NECAB1: variants seen among roughly 807,000 people sequenced by gnomAD.
The protein encoded by NECAB1 is N-terminal EF-hand calcium binding protein 1.
A neutral mutation model predicts 57.5 loss-of-function variants in NECAB1; 29 were observed. The ratio of observed to expected loss-of-function variants is 0.50; its 90% CI spans 0.38 to 0.69. NECAB1 has a LOEUF of 0.69. Among genes scored for constraint, NECAB1 ranks in the 30% least tolerant of loss-of-function variants. NECAB1 has a pLI of 0.00. For synonymous variants in NECAB1, 142 were observed against 147.7 expected, an observed-to-expected ratio of 0.96 and a Z score of 0.28; for missense variants, 372 against 413.8, an observed-to-expected ratio of 0.90 and a Z score of 0.88.
chr8:90,798,265 C>T (rs1356019472), intron 1 of NECAB1, among the ~76,000 whole-genome samples: 2 of 152,194 alleles, frequency 1.3e-5, no homozygotes, highest in Non-Finnish European at 2.9e-5. Context: ...AATGGGATTA[C>T]ATCAGCAAAC....
intron 10 of NECAB1, among the ~76,000 whole-genome samples, chr8:90,948,985 T>C (rs968493264): frequency 1.3e-5 from 2 of 152,230 alleles, no homozygotes; most frequent in South Asian, 2.1e-4. Flanking sequence ...CAAAACATAT[T>C]ATGTAGACTT....
intron 2 of NECAB1, among the ~76,000 whole-genome samples, chr8:90,815,048 C>T (rs182912579): frequency 8.8e-4 from 134 of 152,142 alleles, no homozygotes; most frequent in African/African-American, 3.1e-3. Flanking sequence ...CCACATGGAT[C>T]GTTCTAGACT....
Position 90,958,894 on chromosome 8 carries a change from GCCAA to G in NECAB1, c.*3386_*3389del. ...TTCTCATTTTTAGAGAAGTCAAATA[GCCAA>G]CCATCAAAATTAAGAATAAATTGAA... On this transcript the variant is annotated 3_prime_UTR_variant, in exon 13 of 13. Coordinates refer to ENST00000417640, the MANE Select transcript of NECAB1 (RefSeq NM_022351.5). 3.2e-6 allele frequency: 2 copies of G among 629,358 alleles called. No homozygotes were observed. Among genetic ancestry groups the G allele is most frequent in the Non-Finnish European group, 5.2e-6 (2 of 383,180 alleles). 39.0% of individuals were successfully genotyped at this position (629,358 alleles called of 1,614,324 possible).
At chr8:90,858,916 TTCAAAC>T (rs1812844898) in intron 3 of NECAB1, 1 of 151,806 alleles carries the variant, frequency 6.6e-6, no homozygotes, top group South Asian at 2.1e-4. Flanking sequence ...GCCACGAGAG[TTCAAAC>T]TCAAACAGTT....
rs542092321 is a variant in NECAB1 at position 90,814,250 on chromosome 8, C to T, written c.125-10467C>T. Among the ~76,000 whole-genome samples the T allele has an allele frequency of 2.6e-4, 40 of 152,244 alleles. No individual in the cohort carries two copies. In the East Asian group the frequency reaches 6.9e-3, roughly 26 times the overall value. ...AATTATGTGTTTCGGAGAGAAAGAC[C>T]ACAGAGGTAAAATGCCATTACATCA... On this transcript the variant is annotated intron_variant, in intron 2 of 12. Transcript: ENST00000417640.
intron 3 of NECAB1, among the ~76,000 whole-genome samples, chr8:90,853,865 A>G (rs757237106): frequency 5.9e-5 from 9 of 152,140 alleles, no homozygotes; most frequent in Non-Finnish European, 1.2e-4. Flanking sequence ...CTGTCCCCCT[A>G]ACCCACTAAA....
intron 10 of NECAB1, among the ~76,000 whole-genome samples, chr8:90,947,854 C>T (rs1288980738): frequency 6.6e-6 from 1 of 152,200 alleles, no homozygotes; most frequent in Non-Finnish European, 1.5e-5. Context: ...CCATTTCATA[C>T]TGTGTTGTCC....
At chr8:90,896,695 A>G (rs944794238) in intron 5 of NECAB1, among the ~76,000 whole-genome samples, 12 of 152,188 alleles carry the variant, frequency 7.9e-5, no homozygotes, top group African/African-American at 2.9e-4. Flanking sequence ...TTTTAAACTT[A>G]ACTTCCTCGT....
intron 7 of NECAB1, among the ~76,000 whole-genome samples, chr8:90,926,240 G>A (rs1366931515): frequency 6.6e-6 from 1 of 152,150 alleles, no homozygotes; most frequent in Non-Finnish European, 1.5e-5. Flanking sequence ...TATAAAGCAT[G>A]CATATATACA....
At chr8:90,810,817 CTA>C in intron 2 of NECAB1, among the ~76,000 whole-genome samples, 1 of 152,216 alleles carries the variant, frequency 6.6e-6, no homozygotes, top group South Asian at 2.1e-4. Flanking sequence ...TCAATAAACT[CTA>C]AACTCTTAGA....
intron 5 of NECAB1, among the ~76,000 whole-genome samples, chr8:90,903,320 C>T (rs969087090): frequency 2.6e-5 from 4 of 151,940 alleles, no homozygotes; most frequent in African/African-American, 7.2e-5. Flanking sequence ...TATAACATTG[C>T]TACTTCAAAA....
At chr8:90,878,438 T>C (rs1399435632) in intron 4 of NECAB1, among the ~76,000 whole-genome samples, 1 of 152,198 alleles carries the variant, frequency 6.6e-6, no homozygotes, top group Non-Finnish European at 1.5e-5. Context: ...GGCTCTTTCA[T>C]CTAACTTCCC....
At chr8:90,917,470 G>A in intron 5 of NECAB1, 22 bp from the exon 6 acceptor site, 1 of 1,563,172 alleles carries the variant, frequency 6.4e-7, no homozygotes, top group Non-Finnish European at 8.6e-7. Flanking sequence ...ACTTCTAATT[G>A]CATTTGTTTT....
chr8:90,957,997 C>T lies in NECAB1; in HGVS notation c.*2485C>T, dbSNP rs1009826210. The T allele has an allele frequency of 1.3e-5, 2 of 150,010 alleles. No homozygotes were observed. The highest frequency in any genetic ancestry group is 4.9e-5 in the African/African-American group (2 of 41,050). The allele number at this position is 150,010 out of a possible 1,614,324, so 9.3% of individuals were successfully genotyped here. The stretch of plus-strand genomic sequence containing the variant: ...AAAATTCAGTGAAACAAACTTTTTG[C>T]CAATAGACCTAGGGATCTAAGAAAT... On this transcript the variant is annotated 3_prime_UTR_variant, in exon 13 of 13. Transcript: ENST00000417640.
chr8:90,948,740 T>G (rs1251086308), intron 10 of NECAB1, among the ~76,000 whole-genome samples: 2 of 152,202 alleles, frequency 1.3e-5, no homozygotes, highest in Non-Finnish European at 2.9e-5. Context: ...CAAAATTAAT[T>G]TGGGTCTTCA....
intron 3 of NECAB1, among the ~76,000 whole-genome samples, chr8:90,850,682 C>T (rs916247654): frequency 1.3e-5 from 2 of 152,122 alleles, no homozygotes; most frequent in Non-Finnish European, 2.9e-5. Context: ...GGTGCTTTGT[C>T]TATATATCTT....
At chr8:90,861,161 T>C (rs1487624114) in intron 3 of NECAB1, among the ~76,000 whole-genome samples, 1 of 152,130 alleles carries the variant, frequency 6.6e-6, no homozygotes, top group Non-Finnish European at 1.5e-5. Context: ...ATTACAATTG[T>C]TTCCATGTCC....
At chr8:90,835,103 TTTATA>T (rs1298791973) in intron 3 of NECAB1, among the ~76,000 whole-genome samples, 1 of 152,090 alleles carries the variant, frequency 6.6e-6, no homozygotes, top group Admixed American at 6.6e-5. Context: ...TATTTACAAT[TTTATA>T]TTTATTAGGG....
intron 6 of NECAB1, among the ~76,000 whole-genome samples, chr8:90,923,900 T>C (rs1323205953): frequency 1.1e-4 from 16 of 152,206 alleles, no homozygotes; most frequent in Admixed American, 7.2e-4. Flanking sequence ...GTCTACTGTT[T>C]GTAAAACAGC....
Sources: gnomAD v4.1 joint callset for allele counts (sites outside exome capture counted in the v4.1 genomes callset) on GRCh38, gnomAD v4.1.1 for gene constraint, MANE v1.5 for transcripts, NCBI Gene and HGNC (gene_info 2026-07-23, HGNC 2026-07-21) for gene names.